LRBA: variants seen among roughly 807,000 people sequenced by gnomAD.
LRBA encodes lipopolysaccharide-responsive and beige-like anchor protein.
A neutral mutation model predicts 330.0 loss-of-function variants in LRBA; 176 were observed. The ratio of observed to expected loss-of-function variants is 0.53; its 90% CI spans 0.47 to 0.60. The LOEUF is 0.60. Among genes scored for constraint, LRBA ranks in the 20% least tolerant of loss-of-function variants. The pLI is 0.00. For missense variants in LRBA, 3,259 were observed against 3,444.8 expected (o/e 0.95, Z 1.35); for synonymous variants, 1,230 against 1,193.0 (o/e 1.03, Z -0.64).
intron 40 of LRBA, among the ~76,000 whole-genome samples, chr4:150,493,025 G>C (rs527805171): frequency 6.6e-6 from 1 of 152,254 alleles, no homozygotes; most frequent in Non-Finnish European, 1.5e-5. Context: ...CTGTCACCCA[G>C]GCTGGAGTGA....
chr4:150,481,085 C>T (rs916419899), intron 42 of LRBA, among the ~76,000 whole-genome samples: 12 of 152,166 alleles, frequency 7.9e-5, no homozygotes, highest in Non-Finnish European at 1.3e-4. Context: ...AGTGAGAACA[C>T]GCAGTGTTTA....
intron 40 of LRBA, among the ~76,000 whole-genome samples, chr4:150,538,680 C>A (rs1164639161): frequency 6.6e-6 from 1 of 151,922 alleles, no homozygotes; most frequent in African/African-American, 2.4e-5. Flanking sequence ...AAACTATCTA[C>A]TGGCCAGGCG....
intron 30 of LRBA, among the ~76,000 whole-genome samples, chr4:150,819,194 T>G (rs1432694600): frequency 6.6e-6 from 1 of 151,764 alleles, no homozygotes; most frequent in Non-Finnish European, 1.5e-5. Flanking sequence ...TATGGGTTTT[T>G]TTTTTTTAAC....
At chr4:150,858,343 GC>G (rs1355238809) in intron 22 of LRBA, among the ~76,000 whole-genome samples, 1 of 151,588 alleles carries the variant, frequency 6.6e-6, no homozygotes, top group Non-Finnish European at 1.5e-5. Context: ...CCGCACTCTA[GC>G]CTGGGAAGCA....
chr4:150,356,945 C>A (rs779258110), intron 47 of LRBA, among the ~76,000 whole-genome samples: 7 of 151,756 alleles, frequency 4.6e-5, no homozygotes, highest in Non-Finnish European at 1.0e-4. Context: ...ATCAATAAGT[C>A]ATGAAGCCCA....
chr4:150,749,066 G>C (rs538072790), intron 35 of LRBA, among the ~76,000 whole-genome samples: 41 of 152,166 alleles, frequency 2.7e-4, no homozygotes, highest in Non-Finnish European at 5.4e-4. Context: ...TTTTATAGCA[G>C]CATACAGAGA....
chr4:150,746,121 G>A (rs1256912529), intron 35 of LRBA, among the ~76,000 whole-genome samples: 2 of 151,942 alleles, frequency 1.3e-5, no homozygotes, highest in Non-Finnish European at 2.9e-5. Flanking sequence ...GTATTTATGT[G>A]CATATATATG....
intron 40 of LRBA, among the ~76,000 whole-genome samples, chr4:150,521,014 A>T (rs1762867606): frequency 6.6e-6 from 1 of 152,100 alleles, no homozygotes; most frequent in Admixed American, 6.5e-5. Context: ...TCTTCCCAGT[A>T]ATTTGTTCAT....
At chr4:150,530,116 G>C (rs531231591) in intron 40 of LRBA, among the ~76,000 whole-genome samples, 1 of 152,252 alleles carries the variant, frequency 6.6e-6, no homozygotes, top group South Asian at 2.1e-4. Context: ...TACATATTAG[G>C]TGTTGTCATA....
chr4:150,969,192 T>A (rs186230239), intron 2 of LRBA, among the ~76,000 whole-genome samples: 1 of 152,350 alleles, frequency 6.6e-6, no homozygotes, highest in South Asian at 2.1e-4. Context: ...TAACATAACA[T>A]CCATTTTGCA....
intron 37 of LRBA, among the ~76,000 whole-genome samples, chr4:150,638,574 T>C (rs1374839604): frequency 1.3e-5 from 2 of 151,876 alleles, no homozygotes; most frequent in Non-Finnish European, 2.9e-5. Flanking sequence ...AAAGAAGACA[T>C]TTATGCAGCC....
chr4:150,355,465 C>T (rs571394691), intron 47 of LRBA, among the ~76,000 whole-genome samples: 35 of 152,088 alleles, frequency 2.3e-4, no homozygotes, highest in African/African-American at 8.2e-4. Context: ...CTAGCAATAT[C>T]TATGGGATAA....
intron 47 of LRBA, among the ~76,000 whole-genome samples, chr4:150,411,831 A>G (rs1358277682): frequency 2.6e-5 from 4 of 152,204 alleles, no homozygotes; most frequent in Admixed American, 6.5e-5. Flanking sequence ...TCAAAGTAGT[A>G]TGCATTTCAT....
chr4:150,537,560 A>G (rs531075992), intron 40 of LRBA, among the ~76,000 whole-genome samples: 1 of 152,354 alleles, frequency 6.6e-6, no homozygotes, highest in East Asian at 1.9e-4. Context: ...ATGGAATGGG[A>G]GAAAATATTT....
At chr4:151,009,863 C>T (rs1744607325) in intron 2 of LRBA, among the ~76,000 whole-genome samples, 1 of 151,846 alleles carries the variant, frequency 6.6e-6, no homozygotes, top group Admixed American at 6.6e-5. Flanking sequence ...GCCTGTAGTC[C>T]CAGCTACTTG....
intron 56 of LRBA, 53 bp from the exon 57 acceptor site, chr4:150,265,865 G>A (rs1745242758): frequency 1.7e-6 from 2 of 1,180,270 alleles, no homozygotes; most frequent in Admixed American, 1.7e-5. Context: ...TCCTAGAGAT[G>A]TTACTAAAAA....
intron 2 of LRBA, among the ~76,000 whole-genome samples, chr4:150,949,488 A>G (rs1209724531): frequency 6.6e-6 from 1 of 152,150 alleles, no homozygotes; most frequent in Non-Finnish European, 1.5e-5. Flanking sequence ...GATTATACCA[A>G]TATCAATATT....
chr4:150,290,264 C>G (rs1349444243), intron 53 of LRBA, among the ~76,000 whole-genome samples: 1 of 151,984 alleles, frequency 6.6e-6, no homozygotes, highest in Non-Finnish European at 1.5e-5. Context: ...TCAAAGATGC[C>G]AAAACTATCA....
chr4:150,879,143 C>T (rs548008070), intron 17 of LRBA, among the ~76,000 whole-genome samples: 2 of 152,240 alleles, frequency 1.3e-5, no homozygotes, highest in East Asian at 3.9e-4. Context: ...CAAACCAAAT[C>T]CAGCAACACA....
Sources: gnomAD v4.1 joint callset for allele counts (sites outside exome capture counted in the v4.1 genomes callset) on GRCh38, gnomAD v4.1.1 for gene constraint, MANE v1.5 for transcripts, NCBI Gene and HGNC (gene_info 2026-07-23, HGNC 2026-07-21) for gene names.